The following PTPRK variants were observed in gnomAD, a reference collection of about 807,000 sequenced individuals.
PTPRK encodes receptor-type tyrosine-protein phosphatase kappa.
PTPRK carries 75 observed loss-of-function variants against 178.0 expected under a neutral mutation model. The observed-to-expected ratio is 0.42, with a 90% confidence interval of 0.35 to 0.51. PTPRK has a LOEUF of 0.51. PTPRK is among the 20% of genes least tolerant of loss of function. PTPRK has a pLI of 0.02. For synonymous variants in PTPRK, 637 were observed against 620.6 expected (o/e 1.03, Z -0.39); for missense variants, 1,441 against 1,797.8 (o/e 0.80, Z 3.59).
chr6:128,032,307 C>T (rs1038290583), intron 13 of PTPRK, among the ~76,000 whole-genome samples: 2 of 152,088 alleles, frequency 1.3e-5, no homozygotes, highest in African/African-American at 4.8e-5. Flanking sequence ...TTTTCAGCCC[C>T]TTTGTGGTTT....
intron 2 of PTPRK, among the ~76,000 whole-genome samples, chr6:128,380,879 T>C (rs1403813800): frequency 6.6e-6 from 1 of 152,206 alleles, no homozygotes; most frequent in African/African-American, 2.4e-5. Context: ...CTCAAATATG[T>C]AGAATCCAAG....
At chr6:128,485,676 C>G (rs1398049398) in intron 1 of PTPRK, among the ~76,000 whole-genome samples, 1 of 152,120 alleles carries the variant, frequency 6.6e-6, no homozygotes. Context: ...GATGGAGTAG[C>G]TCTTCTAAGG....
intron 3 of PTPRK, among the ~76,000 whole-genome samples, chr6:128,244,031 T>TA (rs1343545698): frequency 1.3e-5 from 2 of 152,144 alleles, no homozygotes; most frequent in Non-Finnish European, 2.9e-5. Flanking sequence ...AGGTAGAACT[T>TA]ACTGACTCAG....
At chr6:128,092,842 T>C (rs1025152242) in intron 7 of PTPRK, among the ~76,000 whole-genome samples, 3 of 152,202 alleles carry the variant, frequency 2.0e-5, no homozygotes, top group African/African-American at 4.8e-5. Flanking sequence ...ATTTCTGAGG[T>C]ATAAATACAT....
At position 127,982,887 on chromosome 6, in the gene PTPRK, C is replaced by A; in HGVS notation, c.3481G>T (p.Asp1161Tyr). 1 of 1,612,484 alleles carries A rather than the reference C, an allele frequency of 6.2e-7. No individual in the cohort carries two copies. Among genetic ancestry groups the A allele is most frequent in the Non-Finnish European group, 8.5e-7 (1 of 1,178,764 alleles). The change falls in exon 24 of 30, where the codon GAT becomes TAT. Residue 1161 changes from aspartate (D) to tyrosine (Y), a missense_variant. By Grantham distance (160) the Asp-to-Tyr change is radical. This residue lies in a region of PTPRK where 335 missense variants were observed against 512.4 expected (regional missense o/e 0.65). Coordinates refer to ENST00000368226, the MANE Select transcript of PTPRK (RefSeq NM_002844.4). ...GTCTGGGAGTCTATTCTAATCATATCAAAATATGCAGCTTTAAATTCACAG... is the reference window on the plus strand; with the variant it reads ...GTCTGGGAGTCTATTCTAATCATATAAAAATATGCAGCTTTAAATTCACAG... ...PVCEFKAAYF[D>Y]MIRIDSQTNS...
intron 1 of PTPRK, among the ~76,000 whole-genome samples, chr6:128,512,822 T>G (rs1246491882): frequency 2.0e-5 from 3 of 152,154 alleles, no homozygotes; most frequent in African/African-American, 7.2e-5. Flanking sequence ...CAACTCCCAT[T>G]CATTAAATTT....
At chr6:128,320,708 C>G (rs1429960385) in intron 3 of PTPRK, among the ~76,000 whole-genome samples, 2 of 152,018 alleles carry the variant, frequency 1.3e-5, no homozygotes, top group African/African-American at 4.8e-5. Context: ...TGAGAGTGAC[C>G]TGGTGATGAC....
chr6:128,185,584 T>C (rs546788376), intron 6 of PTPRK, among the ~76,000 whole-genome samples: 1 of 152,246 alleles, frequency 6.6e-6, no homozygotes, highest in Non-Finnish European at 1.5e-5. Context: ...GTTCTTTGAA[T>C]TCCTGGAACA....
At chr6:128,131,478 A>C (rs893852281) in intron 7 of PTPRK, among the ~76,000 whole-genome samples, 1 of 152,170 alleles carries the variant, frequency 6.6e-6, no homozygotes, top group Non-Finnish European at 1.5e-5. Flanking sequence ...ATTTGGAAAC[A>C]GGTAGCCTAT....
intron 1 of PTPRK, among the ~76,000 whole-genome samples, chr6:128,411,681 A>G (rs1412406467): frequency 1.3e-5 from 2 of 152,246 alleles, no homozygotes; most frequent in African/African-American, 2.4e-5. Context: ...CAGAACACAA[A>G]TGAAGTGTAA....
At chr6:128,187,367 A>G (rs1365584257) in intron 6 of PTPRK, among the ~76,000 whole-genome samples, 1 of 152,186 alleles carries the variant, frequency 6.6e-6, no homozygotes, top group African/African-American at 2.4e-5. Flanking sequence ...AAAAATTTGT[A>G]GTCTGGAAAC....
At chr6:128,301,618 C>G (rs1006658052) in intron 3 of PTPRK, among the ~76,000 whole-genome samples, 13 of 152,156 alleles carry the variant, frequency 8.5e-5, no homozygotes, top group African/African-American at 3.1e-4. Flanking sequence ...TTTAAAATAA[C>G]ATTAATTTAT....
At chr6:128,304,338 A>G (rs1476585206) in intron 3 of PTPRK, among the ~76,000 whole-genome samples, 1 of 152,228 alleles carries the variant, frequency 6.6e-6, no homozygotes, top group Admixed American at 6.5e-5. Context: ...TTTAGCAACT[A>G]TATTTTAGCT....
At chr6:128,068,034 C>T (rs551462887) in intron 11 of PTPRK, among the ~76,000 whole-genome samples, 4 of 152,250 alleles carry the variant, frequency 2.6e-5, no homozygotes, top group South Asian at 2.1e-4. Flanking sequence ...GAACAATCAC[C>T]GTAGGACTTT....
At chr6:127,972,499 C>CA (rs1774044208) in intron 29 of PTPRK, among the ~76,000 whole-genome samples, 1 of 152,206 alleles carries the variant, frequency 6.6e-6, no homozygotes, top group South Asian at 2.1e-4. Flanking sequence ...CGAGCCTTGA[C>CA]AAGCTCAAGT....
chr6:128,099,606 A>C (rs1788459149), intron 7 of PTPRK, among the ~76,000 whole-genome samples: 1 of 152,094 alleles, frequency 6.6e-6, no homozygotes, highest in Middle Eastern at 3.2e-3. Flanking sequence ...TCTACATTAT[A>C]ATAGAAACAG....
chr6:128,287,786 G>A (rs1822745374), intron 3 of PTPRK, among the ~76,000 whole-genome samples: 1 of 152,082 alleles, frequency 6.6e-6, no homozygotes, highest in Non-Finnish European at 1.5e-5. Flanking sequence ...TGCTTTTCCT[G>A]GATCTCATTC....
chr6:128,032,118 G>A (rs897007776), intron 13 of PTPRK, among the ~76,000 whole-genome samples: 6 of 152,100 alleles, frequency 3.9e-5, no homozygotes, highest in African/African-American at 1.2e-4. Flanking sequence ...TTTGACCTGC[G>A]ACCTATCTCT....
At chr6:128,349,449 A>G (rs755833094) in intron 2 of PTPRK, among the ~76,000 whole-genome samples, 2 of 152,084 alleles carry the variant, frequency 1.3e-5, no homozygotes, top group African/African-American at 2.4e-5. Flanking sequence ...TCTCTGCCTT[A>G]TCTTCTCTTT....
Sources: allele counts gnomAD v4.1 joint callset (sites outside exome capture counted in the v4.1 genomes callset), GRCh38; gene constraint gnomAD v4.1.1; regional missense constraint gnomAD v4.1.1; transcripts MANE v1.5; gene names NCBI Gene and HGNC (gene_info 2026-07-23, HGNC 2026-07-21).